CELF2: variants seen among roughly 807,000 people sequenced by gnomAD.
The protein encoded by CELF2 is CUG triplet repeat RNA-binding protein 2.
CELF2 carries 8 observed loss-of-function variants against 62.6 expected under a neutral mutation model. The ratio of observed to expected loss-of-function variants is 0.13; its 90% confidence interval spans 0.07 to 0.23. The LOEUF is 0.23. Among genes scored for constraint, CELF2 ranks in the 10% least tolerant of loss-of-function variants. The pLI is 1.00. For synonymous variants in CELF2, 258 were observed against 250.0 expected (o/e 1.03, Z -0.30); for missense variants, 333 against 671.0 (o/e 0.50, Z 5.56).
At chr10:10,974,045 C>T (rs2051060469) in intron 2 of CELF2, among the ~76,000 whole-genome samples, 1 of 152,198 alleles carries the variant, frequency 6.6e-6, no homozygotes, top group African/African-American at 2.4e-5. Context: ...GGGTCAGACA[C>T]ATCTATACCA....
rs80291152 is a variant in CELF2, at chr10:10,891,886, T to C, written c.54-28078T>C. 7.2e-3 allele frequency among the ~76,000 whole-genome samples: 1,093 copies of C among 152,262 alleles called. 12 individuals carry two copies. The highest frequency in any genetic ancestry group is 0.025 in the African/African-American group (1,056 of 41,548). ...TGGGCTGTCAATCCTCGCAGGATCA[T>C]TGGGAGGAGCAAATAGCACAGTATA... On this transcript the variant is annotated intron_variant, in intron 1 of 13. Transcript: ENST00000636488.
At chr10:10,999,717 C>T (rs1371205781) in intron 2 of CELF2, among the ~76,000 whole-genome samples, 1 of 152,186 alleles carries the variant, frequency 6.6e-6, no homozygotes, top group Non-Finnish European at 1.5e-5. Flanking sequence ...TATGAATTGC[C>T]ATATTGGTCT....
chr10:10,604,183 C>A, the CELF2 span, among the ~76,000 whole-genome samples: 1 of 152,196 alleles, frequency 6.6e-6, no homozygotes, highest in African/African-American at 2.4e-5. Context: ...GTGCTCCAAC[C>A]TGGGCTACAG....
intron 1 of CELF2, among the ~76,000 whole-genome samples, chr10:10,898,699 A>T (rs2062732847): frequency 6.6e-6 from 1 of 152,232 alleles, no homozygotes. Context: ...TCAATAATTG[A>T]TAGAATAAGT....
chr10:10,725,724 A>G, the CELF2 span, among the ~76,000 whole-genome samples: 1 of 152,198 alleles, frequency 6.6e-6, no homozygotes, highest in Non-Finnish European at 1.5e-5. Flanking sequence ...GGCTATGATG[A>G]TGACTCTCTT....
intron 1 of CELF2, among the ~76,000 whole-genome samples, chr10:11,079,769 T>G (rs2073424467): frequency 7.4e-6 from 1 of 134,408 alleles, no homozygotes; most frequent in South Asian, 2.7e-4. Context: ...GGCCATGGAA[T>G]CTAGCAATTC....
At chr10:10,618,744 G>C in the CELF2 span, among the ~76,000 whole-genome samples, 1 of 152,090 alleles carries the variant, frequency 6.6e-6, no homozygotes, top group Non-Finnish European at 1.5e-5. Context: ...CAAAGACACA[G>C]ACACACGCAA....
At chr10:11,254,187 A>C (rs1052543631) in intron 4 of CELF2, among the ~76,000 whole-genome samples, 7 of 152,336 alleles carry the variant, frequency 4.6e-5, no homozygotes, top group African/African-American at 1.4e-4. Flanking sequence ...GAATTGTATG[A>C]CTAACTTGTC....
chr10:11,146,087 C>T (rs1283920083), intron 1 of CELF2, among the ~76,000 whole-genome samples: 3 of 152,188 alleles, frequency 2.0e-5, no homozygotes, highest in Non-Finnish European at 4.4e-5. Flanking sequence ...ACTCTGATCC[C>T]AGCCCAGGAT....
Position 11,197,857 on chromosome 10 carries a change from A to G in CELF2, c.272-19568A>G, listed in dbSNP as rs577799876. Among the ~76,000 whole-genome samples, 3 of 152,330 alleles carry G rather than the reference A, an allele frequency of 2.0e-5. No individual in the cohort carries two copies. The East Asian group carries it at 5.8e-4, about 29-fold the overall frequency. On this transcript the variant is annotated intron_variant, in intron 2 of 12. Coordinates refer to ENST00000633077, the MANE Select transcript of CELF2 (RefSeq NM_001326342.2). ...TCTTCTGTAGCGTTTTGATACTGACAATTTTATGAAGGCTATTTCTTGATA... is the reference window on the plus strand; with the variant it reads ...TCTTCTGTAGCGTTTTGATACTGACGATTTTATGAAGGCTATTTCTTGATA...
At chr10:11,063,196 G>C (rs1052300607) in intron 1 of CELF2, among the ~76,000 whole-genome samples, 4 of 152,164 alleles carry the variant, frequency 2.6e-5, no homozygotes, top group Non-Finnish European at 4.4e-5. Context: ...TGAAATACTA[G>C]CTTTATTTTG....
In CELF2 at chr10:10,995,180, A is replaced by G. The variant is rs1293977088; in HGVS notation, c.89+75181A>G. On this transcript the variant is annotated intron_variant, in intron 2 of 13. Coordinates refer to the CELF2 transcript ENST00000636488. This position sits in a 1 kb window ranked among gnomAD's most constrained non-coding sequence, Gnocchi z 4.7. ...CCCGTGCCTCTTTTGAATCCTCCTT[A>G]GAGTAATTCAACTTTAGATAACTAA... is the stretch of plus-strand genomic sequence containing the variant. 6.6e-6 allele frequency among the ~76,000 whole-genome samples: 1 copy of G among 152,238 alleles called. No individual in the cohort carries two copies. The highest frequency in any genetic ancestry group is 1.9e-4 in the East Asian group (1 of 5,202).
intron 2 of CELF2, among the ~76,000 whole-genome samples, chr10:10,981,067 C>G (rs1012507673): frequency 6.6e-6 from 1 of 152,214 alleles, no homozygotes; most frequent in African/African-American, 2.4e-5. Flanking sequence ...CCAGAGAGAA[C>G]CCTTCTGCCA....
At chr10:10,521,629 A>T in the CELF2 span, among the ~76,000 whole-genome samples, 2 of 152,202 alleles carry the variant, frequency 1.3e-5, no homozygotes, top group Non-Finnish European at 2.9e-5. Flanking sequence ...TCTTCATGTA[A>T]CTCGTCTGAA....
chr10:10,660,324 G>T, the CELF2 span, among the ~76,000 whole-genome samples: 1 of 152,188 alleles, frequency 6.6e-6, no homozygotes. Context: ...GGCTCAAAAA[G>T]GATAAGAAAA....
the CELF2 span, among the ~76,000 whole-genome samples, chr10:10,682,167 T>C: frequency 1.4e-4 from 21 of 152,176 alleles, no homozygotes; most frequent in African/African-American, 5.1e-4. Flanking sequence ...AAATCTTATT[T>C]GCGTAGATGT....
the CELF2 span, among the ~76,000 whole-genome samples, chr10:10,721,717 C>T: frequency 4.5e-4 from 69 of 152,318 alleles, no homozygotes; most frequent in East Asian, 1.3e-3. Flanking sequence ...CCATTCCATA[C>T]GTGGCTTCTC....
chr10:10,630,556 C>T, the CELF2 span, among the ~76,000 whole-genome samples: 1 of 152,116 alleles, frequency 6.6e-6, no homozygotes, highest in African/African-American at 2.4e-5. Flanking sequence ...AAACCAGACC[C>T]ACTGGGTAGA....
chr10:11,216,091 G>C (rs2063297955), intron 2 of CELF2, among the ~76,000 whole-genome samples: 1 of 152,194 alleles, frequency 6.6e-6, no homozygotes, highest in South Asian at 2.1e-4. Context: ...TGATACATTT[G>C]AAGGGTTCCT....
Sources: allele counts gnomAD v4.1 joint callset (sites outside exome capture counted in the v4.1 genomes callset), GRCh38; gene constraint gnomAD v4.1.1; non-coding constraint Gnocchi (gnomAD v3.1); transcripts MANE v1.5; gene names NCBI Gene and HGNC (gene_info 2026-07-23, HGNC 2026-07-21).